The following ITPRID1 variants were observed in gnomAD, a reference collection of about 807,000 sequenced individuals.
ITPRID1 encodes the protein protein ITPRID1.
In ITPRID1, 96 loss-of-function variants were observed where a neutral mutation model predicts 95.4. The observed-to-expected ratio is 1.01, with a 90% CI of 0.85 to 1.19. The LOEUF is 1.19. ITPRID1 is among the 50% of genes most tolerant of loss of function. The pLI is 0.00. For synonymous variants in ITPRID1, 510 were observed against 453.6 expected (o/e 1.12, Z -1.58); for missense variants, 1,339 against 1,252.9 (o/e 1.07, Z -1.04).
intron 10 of ITPRID1, among the ~76,000 whole-genome samples, chr7:31,636,897 G>A (rs935764173): frequency 2.3e-4 from 13 of 56,618 alleles, no homozygotes; most frequent in South Asian, 5.2e-4. Context: ...CCCCCCACCC[G>A]ACAACAGTCC....
intron 1 of ITPRID1, among the ~76,000 whole-genome samples, chr7:31,538,831 T>C (rs2128132322): frequency 6.6e-6 from 1 of 152,354 alleles, no homozygotes; most frequent in Admixed American, 6.5e-5. Flanking sequence ...TTATTGTTTT[T>C]CCTTTTGTAT....
At chr7:31,623,406 A>G (rs1788114006) in intron 10 of ITPRID1, among the ~76,000 whole-genome samples, 1 of 151,322 alleles carries the variant, frequency 6.6e-6, no homozygotes, top group Non-Finnish European at 1.5e-5. Flanking sequence ...CTTATCCACC[A>G]TGATCAAGTG....
rs1583773051 is a variant in ITPRID1, at chr7:31,656,499, C to T, written c.*3670C>T. 6 of 979,116 alleles carry T rather than the reference C, an allele frequency of 6.1e-6. No homozygotes were observed. The highest frequency in any genetic ancestry group is 7.3e-6 in the Non-Finnish European group (6 of 827,030). 60.7% of individuals were successfully genotyped at this position (979,116 alleles called of 1,614,324 possible). On this transcript the variant is annotated 3_prime_UTR_variant, in exon 15 of 15. Transcript: ENST00000615280. ...ATACCAAGAACTCAATAAATGCTAACTGTAATTACTGTCTTCCTTCTGTTG... is the reference window on the plus strand; with the variant it reads ...ATACCAAGAACTCAATAAATGCTAATTGTAATTACTGTCTTCCTTCTGTTG...
chr7:31,624,821 C>G (rs556807411), intron 10 of ITPRID1, among the ~76,000 whole-genome samples: 1 of 152,134 alleles, frequency 6.6e-6, no homozygotes, highest in Non-Finnish European at 1.5e-5. Flanking sequence ...AAACTACCAT[C>G]AGAGTGAACA....
intron 5 of ITPRID1, among the ~76,000 whole-genome samples, chr7:31,558,798 TA>T (rs1293979764): frequency 6.6e-6 from 1 of 152,164 alleles, no homozygotes; most frequent in African/African-American, 2.4e-5. Context: ...CACACTGGTG[TA>T]AATCAATTGT....
At chr7:31,548,858 C>T (rs1218815800) in intron 1 of ITPRID1, among the ~76,000 whole-genome samples, 2 of 152,016 alleles carry the variant, frequency 1.3e-5, no homozygotes. Flanking sequence ...CCATGAATGG[C>T]ATCATGGTTG....
intron 5 of ITPRID1, among the ~76,000 whole-genome samples, chr7:31,564,413 T>G (rs1320283769): frequency 6.6e-6 from 1 of 152,154 alleles, no homozygotes; most frequent in Non-Finnish European, 1.5e-5. Context: ...GTGTTTGTTT[T>G]TTTCTTTCTC....
intron 10 of ITPRID1, among the ~76,000 whole-genome samples, chr7:31,609,299 A>G (rs1462751250): frequency 1.3e-5 from 2 of 151,596 alleles, no homozygotes; most frequent in Non-Finnish European, 3.0e-5. Flanking sequence ...TAGATTTGGT[A>G]TCAAAGTAAT....
At chr7:31,629,849 A>G (rs1788831064) in intron 10 of ITPRID1, among the ~76,000 whole-genome samples, 1 of 152,232 alleles carries the variant, frequency 6.6e-6, no homozygotes, top group Non-Finnish European at 1.5e-5. Context: ...CCTGAAAAAG[A>G]AATGTCAAAG....
At chr7:31,572,720 A>G (rs1785034704) in intron 7 of ITPRID1, among the ~76,000 whole-genome samples, 1 of 152,180 alleles carries the variant, frequency 6.6e-6, no homozygotes, top group African/African-American at 2.4e-5. Flanking sequence ...CAAAGTCAGT[A>G]TATCTAATTT....
At chr7:31,638,264 C>G (rs943392963) in intron 10 of ITPRID1, among the ~76,000 whole-genome samples, 11 of 152,144 alleles carry the variant, frequency 7.2e-5, no homozygotes, top group African/African-American at 2.7e-4. Flanking sequence ...ATAACAAAGG[C>G]AGTGAAGTCT....
intron 1 of ITPRID1, among the ~76,000 whole-genome samples, chr7:31,532,260 C>T (rs10280217): frequency 0.58 from 88,741 of 151,938 alleles, 26,959 homozygotes; most frequent in Middle Eastern, 0.71. Context: ...TGAATAATTC[C>T]ACATTGTTTA....
Position 31,643,631 on chromosome 7 carries a change from C to T in ITPRID1, c.2261C>T (p.Ala754Val). 6.2e-7 allele frequency: 1 copy of T among 1,614,014 alleles called. No homozygotes were observed. Among genetic ancestry groups the T allele is most frequent in the Non-Finnish European group, 8.5e-7 (1 of 1,179,896 alleles). ...TATETRLGTK[A>V]RQLNDASIQT... ...ACAGAAACAAGACTGGGGACAAAAGCAAGACAGTTAAATGATGCTTCCATT... is the reference window on the plus strand; with the variant it reads ...ACAGAAACAAGACTGGGGACAAAAGTAAGACAGTTAAATGATGCTTCCATT... Residue 754 changes from alanine to valine, a missense_variant, in exon 12 of 15, where the codon GCA becomes GTA. Coordinates refer to ENST00000615280, the MANE Select transcript of ITPRID1 (RefSeq NM_001257967.3).
intron 8 of ITPRID1, among the ~76,000 whole-genome samples, chr7:31,576,828 ACTGTGAT>A (rs773063206): frequency 1.3e-5 from 2 of 152,166 alleles, no homozygotes; most frequent in Non-Finnish European, 2.9e-5. Context: ...ACATGCTATC[ACTGTGAT>A]TAAGAGGAGG....
At chr7:31,525,255 T>C (rs1783387252) in intron 1 of ITPRID1, among the ~76,000 whole-genome samples, 1 of 152,184 alleles carries the variant, frequency 6.6e-6, no homozygotes, top group Non-Finnish European at 1.5e-5. Context: ...ACTGAGCACT[T>C]GTGACTCTAA....
intron 10 of ITPRID1, among the ~76,000 whole-genome samples, chr7:31,590,191 A>G (rs973487407): frequency 4.5e-4 from 68 of 152,188 alleles, no homozygotes; most frequent in African/African-American, 1.6e-3. Context: ...GCCTCTGCCT[A>G]CCAAGTATCT....
chr7:31,651,001 C>T, intron 12 of ITPRID1, 141 bp from the exon 13 acceptor site: 1 of 842,650 alleles, frequency 1.2e-6, no homozygotes, highest in Non-Finnish European at 1.8e-6. Flanking sequence ...TTGGGCTCTT[C>T]CTATTCCCTC....
At chr7:31,621,351 C>A (rs1429306890) in intron 10 of ITPRID1, among the ~76,000 whole-genome samples, 1 of 6,984 alleles carries the variant, frequency 1.4e-4, no homozygotes, top group Non-Finnish European at 2.6e-4. Context: ...TAAGGGCAGC[C>A]AGAGAGAAAG....
intron 10 of ITPRID1, among the ~76,000 whole-genome samples, chr7:31,622,150 A>T (rs1787970974): frequency 7.3e-6 from 1 of 136,158 alleles, no homozygotes. Flanking sequence ...CCACACATTA[A>T]TAATGGGAGA....
Sources: allele counts gnomAD v4.1 joint callset (sites outside exome capture counted in the v4.1 genomes callset), GRCh38; gene constraint gnomAD v4.1.1; transcripts MANE v1.5; gene names NCBI Gene and HGNC (gene_info 2026-07-23, HGNC 2026-07-21).